The following SP3 variants were observed in gnomAD, a reference collection of about 807,000 sequenced individuals.
The protein encoded by SP3 is transcription factor Sp3.
Under a neutral mutation model 70.3 loss-of-function variants are expected in SP3, and 10 were observed. The observed-to-expected ratio is 0.14, with a 90% CI of 0.09 to 0.24. The LOEUF (loss-of-function observed/expected upper bound fraction) is 0.24. Among genes scored for constraint, SP3 ranks in the 10% least tolerant of loss-of-function variants. SP3 has a pLI of 1.00. For missense variants in SP3, 825 were observed against 914.6 expected, an observed-to-expected ratio of 0.90 and a Z score of 1.26; for synonymous variants, 402 against 333.5, an observed-to-expected ratio of 1.21 and a Z score of -2.24.
chr2:173,939,908 A>G (rs987260957), intron 4 of SP3, among the ~76,000 whole-genome samples: 1 of 152,054 alleles, frequency 6.6e-6, no homozygotes, highest in African/African-American at 2.4e-5. Flanking sequence ...TTTAAGAGAG[A>G]GTCACCCAGG....
At position 173,905,284 on chromosome 2, in the gene SP3, A is replaced by T. The variant is rs896343140; in HGVS notation, c.*4657T>A. On this transcript the variant is annotated 3_prime_UTR_variant, in exon 7 of 7. Coordinates refer to ENST00000310015, the MANE Select transcript of SP3 (RefSeq NM_003111.5). ...AAGGGGGGAGGAAGGCATTGGAAGG[A>T]GGTTACCATTTGAATCTCTACCGTT... 1.3e-5 allele frequency among the ~76,000 whole-genome samples: 2 copies of T among 152,222 alleles called. No individual in the cohort carries two copies. Among genetic ancestry groups the T allele is most frequent in the Non-Finnish European group, 2.9e-5 (2 of 68,040 alleles).
In SP3 at chr2:173,905,235, C is replaced by A. The variant is rs1361389954; in HGVS notation, c.*4706G>T. 6.6e-6 allele frequency among the ~76,000 whole-genome samples: 1 copy of A among 152,126 alleles called. No individual in the cohort carries two copies. Among genetic ancestry groups the A allele is most frequent in the Non-Finnish European group, 1.5e-5 (1 of 68,006 alleles). ...ATGAAAATTCTAAAACACTTCACTA[C>A]AGAAAAATGGAATCTCCAGAGTTAA... is the stretch of plus-strand genomic sequence containing the variant. On this transcript the variant is annotated 3_prime_UTR_variant, in exon 7 of 7. Transcript: ENST00000310015.
In SP3 at chr2:173,965,157, T is replaced by G; in HGVS notation, c.7+8A>C. 1 of 1,546,978 alleles carries G rather than the reference T, an allele frequency of 6.5e-7. No individual in the cohort carries two copies. Among genetic ancestry groups the G allele is most frequent in the Non-Finnish European group, 8.7e-7 (1 of 1,145,620 alleles). On this transcript the variant is annotated splice_region_variant and intron_variant, in intron 1 of 6. Coordinates refer to ENST00000310015, the MANE Select transcript of SP3 (RefSeq NM_003111.5). ...AGCAGCAAGGGTTGCTCTCTCGGCT[T>G]TACGTACCGGTCATAGTGTGTTTAG...
intron 6 of SP3, 140 bp from the exon 7 acceptor site, chr2:173,910,397 G>A (rs974150572): frequency 1.7e-5 from 11 of 632,328 alleles, no homozygotes; most frequent in Non-Finnish European, 2.4e-5. Flanking sequence ...TTCATTTTAC[G>A]AGCTACCCCT....
chr2:173,951,450 A>G (rs951770471), intron 4 of SP3, among the ~76,000 whole-genome samples: 2 of 152,234 alleles, frequency 1.3e-5, no homozygotes, highest in African/African-American at 4.8e-5. Context: ...ACATTTTATG[A>G]AAAACATTTT....
intron 4 of SP3, among the ~76,000 whole-genome samples, chr2:173,939,432 A>AT (rs1461796913): frequency 2.0e-5 from 3 of 152,218 alleles, no homozygotes; most frequent in Non-Finnish European, 2.9e-5. Flanking sequence ...CTGTATAAGG[A>AT]TATCTACTGC....
intron 4 of SP3, among the ~76,000 whole-genome samples, chr2:173,927,084 G>A (rs1689935272): frequency 6.6e-6 from 1 of 151,848 alleles, no homozygotes; most frequent in African/African-American, 2.4e-5. Flanking sequence ...GGTGGCAAGA[G>A]GTGCCACACA....
At chr2:173,933,602 AG>A (rs796764814) in intron 4 of SP3, among the ~76,000 whole-genome samples, 28 of 146,246 alleles carry the variant, frequency 1.9e-4, no homozygotes, top group African/African-American at 6.3e-4. Flanking sequence ...CAGAAATATT[AG>A]GAAGACAGTA....
At chr2:173,952,631 A>C (rs1690746725) in intron 4 of SP3, among the ~76,000 whole-genome samples, 1 of 152,250 alleles carries the variant, frequency 6.6e-6, no homozygotes, top group African/African-American at 2.4e-5. Flanking sequence ...CAATATTCAT[A>C]ATAGCCAAAA....
chr2:173,961,949 T>TG (rs796962653), intron 3 of SP3, among the ~76,000 whole-genome samples: 1 of 150,734 alleles, frequency 6.6e-6, no homozygotes, highest in Non-Finnish European at 1.5e-5. Flanking sequence ...TTTTTTTTTT[T>TG]TTTTTTTTTT....
chr2:173,938,684 C>A (rs1690277110), intron 4 of SP3, among the ~76,000 whole-genome samples: 1 of 151,860 alleles, frequency 6.6e-6, no homozygotes, highest in Non-Finnish European at 1.5e-5. Flanking sequence ...TGCTATTAAA[C>A]AAGCGGTAAT....
chr2:173,965,362 G>A lies in SP3; in HGVS notation c.-191C>T, dbSNP rs935136826. The A allele has an allele frequency of 3.6e-5, 23 of 639,688 alleles. No individual in the cohort carries two copies. Among genetic ancestry groups the A allele is most frequent in the African/African-American group, 5.8e-5 (3 of 52,056 alleles). The allele number at this position is 639,688 out of a possible 1,614,324, so 39.6% of individuals were successfully genotyped here. On this transcript the variant is annotated 5_prime_UTR_variant, in exon 1 of 7. Transcript: ENST00000310015. ...GTGGAGCCTCCAGCCCAAAAGGGGG[G>A]AAGAGGGTGACAGCCCGCCCGGAAC... is the stretch of plus-strand genomic sequence containing the variant.
In SP3 at chr2:173,954,999, C is replaced by T. The variant is rs780450896; in HGVS notation, c.1513G>A (p.Ala505Thr). ...AGACTAACTGGAGTTGAAGTGAAGGCTCCACCTGCCGCAACTTGACCAAGT... is the reference window on the plus strand; with the variant it reads ...AGACTAACTGGAGTTGAAGTGAAGGTTCCACCTGCCGCAACTTGACCAAGT... ...LTLGQVAAGG[A>T]FTSTPVSLST... Residue 505 changes from alanine (A) to threonine (T), a missense_variant, in exon 4 of 7, where the codon GCC becomes ACC. Ala to Thr is a moderately conservative substitution (Grantham distance 58, BLOSUM62 0). Around this residue, in one of 4 missense-constraint regions of SP3, gnomAD observed 678 missense variants for 651.6 expected, o/e 1.04. Transcript: ENST00000310015. 1 of 1,614,146 alleles carries T rather than the reference C, an allele frequency of 6.2e-7. No individual in the cohort carries two copies. The highest frequency in any genetic ancestry group is 8.5e-7 in the Non-Finnish European group (1 of 1,180,016).
rs1218305993 is a variant in SP3 at position 173,948,513 on chromosome 2, T to C, written c.1639+6360A>G. Among the ~76,000 whole-genome samples, 6 of 152,240 alleles carry C rather than the reference T, an allele frequency of 3.9e-5. No homozygotes were observed. In the East Asian group the frequency reaches 9.6e-4, roughly 24 times the overall value. The stretch of plus-strand genomic sequence containing the variant: ...GGATCCACTGGGGGTCTTTGAACTA[T>C]CCCTCACTGATAAGGGGGGCGACTA... On this transcript the variant is annotated intron_variant, in intron 4 of 6. Transcript: ENST00000310015.
intron 5 of SP3, chr2:173,915,932 T>G (rs1689608640): frequency 6.6e-6 from 1 of 152,104 alleles, no homozygotes; most frequent in South Asian, 2.1e-4. Flanking sequence ...AAATCAGTTC[T>G]CTAAAAATGC....
At chr2:173,964,150 A>C in intron 2 of SP3, 1 of 373,796 alleles carries the variant, frequency 2.7e-6, no homozygotes, top group Non-Finnish European at 4.7e-6. Context: ...TTCCGCCCGG[A>C]ACCCACCCCC....
chr2:173,905,926 G>T lies in SP3; in HGVS notation c.*4015C>A, dbSNP rs566226375. On this transcript the variant is annotated 3_prime_UTR_variant, in exon 7 of 7. Transcript: ENST00000310015. Reference sequence around the variant, plus strand: ...AAGTGGGGAGGATTGCTTGAGACCAGTAAGTGGAGTCTGCAGTAAGCCATG... The same window carrying T: ...AAGTGGGGAGGATTGCTTGAGACCATTAAGTGGAGTCTGCAGTAAGCCATG... Among the ~76,000 whole-genome samples the T allele has an allele frequency of 6.6e-6, 1 of 152,180 alleles. No individual in the cohort carries two copies.
intron 4 of SP3, among the ~76,000 whole-genome samples, chr2:173,940,050 G>A (rs1241335473): frequency 1.3e-5 from 2 of 151,320 alleles, no homozygotes; most frequent in African/African-American, 4.9e-5. Flanking sequence ...ATTTTTTTTT[G>A]TTTTTTGGTA....
intron 6 of SP3, among the ~76,000 whole-genome samples, chr2:173,912,046 G>A (rs1689500341): frequency 6.6e-6 from 1 of 152,106 alleles, no homozygotes; most frequent in East Asian, 1.9e-4. Context: ...TCAAACTCCT[G>A]AGGCTCAAGC....
Sources: allele counts gnomAD v4.1 joint callset (sites outside exome capture counted in the v4.1 genomes callset), GRCh38; gene constraint gnomAD v4.1.1; regional missense constraint gnomAD v4.1.1; transcripts MANE v1.5; gene names NCBI Gene and HGNC (gene_info 2026-07-23, HGNC 2026-07-21).